The following MPPED2 variants were observed in gnomAD, a reference collection of about 807,000 sequenced individuals.
The protein encoded by MPPED2 is metallophosphoesterase MPPED2.
In MPPED2, 5 loss-of-function variants were observed where a neutral mutation model predicts 33.0. The observed-to-expected ratio is 0.15, with a 90% confidence interval of 0.08 to 0.32. The LOEUF is 0.32. Among genes scored for constraint, MPPED2 ranks in the 10% least tolerant of loss-of-function variants. The probability of loss-of-function intolerance (pLI) is 1.00; values close to 1 mark genes in which losing one functional copy is unlikely to be tolerated. For synonymous variants in MPPED2, 136 were observed against 141.9 expected (o/e 0.96, Z 0.29); for missense variants, 275 against 372.1 (o/e 0.74, Z 2.15).
At chr11:30,521,661 G>A (rs1026659095) in intron 3 of MPPED2, among the ~76,000 whole-genome samples, 5 of 152,184 alleles carry the variant, frequency 3.3e-5, no homozygotes, top group Admixed American at 2.0e-4. Flanking sequence ...TACATATTAG[G>A]TAACTTTCTA....
intron 2 of MPPED2, among the ~76,000 whole-genome samples, chr11:30,559,886 C>T (rs2134706615): frequency 6.6e-6 from 1 of 151,872 alleles, no homozygotes; most frequent in South Asian, 2.1e-4. Flanking sequence ...CACATTATGC[C>T]CTATTTTGAA....
chr11:30,384,158 AC>A (rs903961889), downstream of MPPED2, among the ~76,000 whole-genome samples: 2 of 151,832 alleles, frequency 1.3e-5, no homozygotes, highest in Non-Finnish European at 2.9e-5. Context: ...ATTACAAAAA[AC>A]AAAGACACTC....
intron 4 of MPPED2, among the ~76,000 whole-genome samples, chr11:30,476,609 T>A (rs183087432): frequency 6.6e-6 from 1 of 152,178 alleles, no homozygotes; most frequent in East Asian, 1.9e-4. Context: ...GATCTATGTG[T>A]CCACCTTTCA....
chr11:30,442,994 GA>G (rs910273562), intron 4 of MPPED2, among the ~76,000 whole-genome samples: 15 of 150,560 alleles, frequency 1.0e-4, no homozygotes, highest in South Asian at 2.1e-4. Flanking sequence ...CTGTCTCAAG[GA>G]AAAAAAAATA....
At chr11:30,562,333 T>C (rs1423974683) in intron 2 of MPPED2, among the ~76,000 whole-genome samples, 1 of 152,196 alleles carries the variant, frequency 6.6e-6, no homozygotes, top group Non-Finnish European at 1.5e-5. Flanking sequence ...AAAAGAGTGG[T>C]AGAAACAGGA....
chr11:30,467,266 A>G (rs1327837360), intron 4 of MPPED2, among the ~76,000 whole-genome samples: 1 of 152,146 alleles, frequency 6.6e-6, no homozygotes, highest in African/African-American at 2.4e-5. Context: ...GACACAGTCA[A>G]GATTAAGCAG....
chr11:30,514,480 C>G (rs1248512180), intron 3 of MPPED2, among the ~76,000 whole-genome samples: 1 of 152,092 alleles, frequency 6.6e-6, no homozygotes. Flanking sequence ...CCCTGAATTA[C>G]CAGATGCTGA....
intron 2 of MPPED2, among the ~76,000 whole-genome samples, chr11:30,560,116 T>C (rs1956170596): frequency 1.3e-5 from 2 of 152,174 alleles, no homozygotes; most frequent in African/African-American, 2.4e-5. Flanking sequence ...AAATACAGCA[T>C]TCTCATTTGT....
chr11:30,511,781 G>C (rs1953209938), intron 3 of MPPED2, among the ~76,000 whole-genome samples: 1 of 152,142 alleles, frequency 6.6e-6, no homozygotes, highest in Non-Finnish European at 1.5e-5. Flanking sequence ...ATCTACCCTT[G>C]TGATGAAAAT....
At chr11:30,546,099 C>T (rs1176252893) in intron 2 of MPPED2, among the ~76,000 whole-genome samples, 2 of 152,158 alleles carry the variant, frequency 1.3e-5, no homozygotes, top group East Asian at 1.9e-4. Flanking sequence ...GGATTACAGA[C>T]ATGAGTCACC....
chr11:30,438,585 G>A (rs570636259), intron 4 of MPPED2, among the ~76,000 whole-genome samples: 2 of 152,348 alleles, frequency 1.3e-5, no homozygotes, highest in African/African-American at 4.8e-5. Context: ...CCAGGGGGCA[G>A]AAGACCTGCT....
Position 30,575,296 on chromosome 11 carries a change from C to T in MPPED2, c.128+4950G>A, listed in dbSNP as rs1469324067. On this transcript the variant is annotated intron_variant, in intron 2 of 6. Transcript: ENST00000358117. The stretch of plus-strand genomic sequence containing the variant: ...GAAAATGTTAACAACTTATCTCATA[C>T]TCATCAGCTGGTAGACAATACCATA... 2.6e-5 allele frequency among the ~76,000 whole-genome samples: 4 copies of T among 152,296 alleles called. No individual in the cohort carries two copies. In the East Asian group the frequency reaches 7.7e-4, roughly 29 times the overall value.
chr11:30,530,625 G>T (rs1954469720), intron 3 of MPPED2, among the ~76,000 whole-genome samples: 1 of 152,202 alleles, frequency 6.6e-6, no homozygotes, highest in Non-Finnish European at 1.5e-5. Context: ...GGGACATGTT[G>T]CATTTGAAAA....
chr11:30,457,298 C>T (rs906029081), intron 4 of MPPED2, among the ~76,000 whole-genome samples: 5 of 150,978 alleles, frequency 3.3e-5, no homozygotes, highest in African/African-American at 7.3e-5. Context: ...TGGATCCTTA[C>T]TGATGTCATA....
rs117771050 is a variant in MPPED2 at position 30,438,113 on chromosome 11, G to A, written c.537-20480C>T. On this transcript the variant is annotated intron_variant, in intron 4 of 6. Coordinates refer to ENST00000358117, the MANE Select transcript of MPPED2 (RefSeq NM_001584.3). Reference sequence around the variant, plus strand: ...GAATGGTGCCTGACACACCATAAGCGCTAGGTGTTTATTAAATGAACAAAG... The same window carrying A: ...GAATGGTGCCTGACACACCATAAGCACTAGGTGTTTATTAAATGAACAAAG... Among the ~76,000 whole-genome samples, 1,049 of 152,240 alleles carry A rather than the reference G, an allele frequency of 6.9e-3. 6 individuals are homozygous for A. Among genetic ancestry groups the A allele is most frequent in the South Asian group, 0.024 (116 of 4,818 alleles).
intron 2 of MPPED2, among the ~76,000 whole-genome samples, chr11:30,579,551 C>T (rs2134905400): frequency 6.6e-6 from 1 of 152,274 alleles, no homozygotes; most frequent in African/African-American, 2.4e-5. Context: ...CTGCAAAATC[C>T]TTGCCTCTGG....
chr11:30,521,552 C>T (rs2134378407), intron 3 of MPPED2, among the ~76,000 whole-genome samples: 1 of 152,312 alleles, frequency 6.6e-6, no homozygotes, highest in Admixed American at 6.5e-5. Flanking sequence ...AGTCTAGCAG[C>T]ATTCCATTAA....
chr11:30,386,636 C>T (rs1239950440), exon 7 of MPPED2: 1 of 398,134 alleles, frequency 2.5e-6, no homozygotes, highest in Non-Finnish European at 4.4e-6. Context: ...TAGCACAGAG[C>T]TGGGGTTCAG....
At position 30,436,050 on chromosome 11, in the gene MPPED2, C is replaced by CTTTTT. The variant is rs71060449; in HGVS notation, c.537-18422_537-18418dup. On this transcript the variant is annotated intron_variant, in intron 4 of 6. Coordinates refer to ENST00000358117, the MANE Select transcript of MPPED2 (RefSeq NM_001584.3). ...GGCTATTAGTGTTAAAGTTTAGCAT[C>CTTTTT]TTTTTTTTTTTTTTTTTTTTTTTTA... Among the ~76,000 whole-genome samples, 223 of 108,452 alleles carry CTTTTT rather than the reference C, an allele frequency of 2.1e-3. 3 individuals carry two copies. The highest frequency in any genetic ancestry group is 7.5e-3 in the South Asian group (21 of 2,786). The allele number at this position is 108,452 out of a possible 152,430, so 71.1% of individuals were successfully genotyped here.
Sources: gnomAD v4.1 joint callset for allele counts (sites outside exome capture counted in the v4.1 genomes callset) on GRCh38, gnomAD v4.1.1 for gene constraint, MANE v1.5 for transcripts, NCBI Gene and HGNC (gene_info 2026-07-23, HGNC 2026-07-21) for gene names.